CACNA1D: variants seen among roughly 807,000 people sequenced by gnomAD.
CACNA1D encodes the protein voltage-dependent L-type calcium channel subunit alpha-1D.
CACNA1D carries 55 observed loss-of-function variants against 257.1 expected under a neutral mutation model. That is an observed-to-expected ratio of 0.21 (90% CI 0.17 to 0.27). CACNA1D has a LOEUF of 0.27. CACNA1D is among the 10% of genes least tolerant of loss of function. CACNA1D has a pLI of 1.00. For synonymous variants in CACNA1D, 980 were observed against 1,014.9 expected, an observed-to-expected ratio of 0.97 and a Z score of 0.65; for missense variants, 1,876 against 2,784.0, an observed-to-expected ratio of 0.67 and a Z score of 7.34.
chr3:53,707,458 T>G (rs1228393728), intron 9 of CACNA1D, among the ~76,000 whole-genome samples: 2 of 152,190 alleles, frequency 1.3e-5, no homozygotes, highest in Non-Finnish European at 1.5e-5. Flanking sequence ...AGCTGTCTGG[T>G]GACTGGTGAC....
chr3:53,674,286 C>G (rs1205102932), intron 8 of CACNA1D, among the ~76,000 whole-genome samples: 3 of 152,180 alleles, frequency 2.0e-5, no homozygotes, highest in Non-Finnish European at 4.4e-5. Flanking sequence ...AAATAAGCCT[C>G]AAGCACATAA....
intron 3 of CACNA1D, among the ~76,000 whole-genome samples, chr3:53,564,412 C>T (rs1472726852): frequency 3.9e-5 from 6 of 152,118 alleles, no homozygotes; most frequent in Admixed American, 1.3e-4. Flanking sequence ...CTGCCCACCC[C>T]GGCCTCCCAA....
At chr3:53,798,620 T>C (rs1308041107) in intron 40 of CACNA1D, among the ~76,000 whole-genome samples, 3 of 152,242 alleles carry the variant, frequency 2.0e-5, no homozygotes, top group African/African-American at 7.2e-5. Flanking sequence ...CTTCACAGAA[T>C]GGTTCAAACC....
intron 40 of CACNA1D, among the ~76,000 whole-genome samples, chr3:53,797,505 TA>T (rs1040519635): frequency 2.0e-5 from 3 of 152,236 alleles, no homozygotes; most frequent in African/African-American, 7.2e-5. Context: ...GTCTCTTTAA[TA>T]AATATGTTGT....
Position 53,808,736 on chromosome 3 carries a change from G to T in CACNA1D, c.5837G>T (p.Arg1946Leu). 6.2e-7 allele frequency: 1 copy of T among 1,608,206 alleles called. No individual in the cohort carries two copies. Among genetic ancestry groups the T allele is most frequent in the Non-Finnish European group, 8.5e-7 (1 of 1,179,986 alleles). ...EVPSSPIFPH[R>L]TALPLHLMQQ... ...CCGTCGTCTCCCATCTTCCCCCATC[G>T]CACGGCCCTGCCTCTGCATCTAATG... The change falls in exon 46 of 48, where the codon CGC (arginine) becomes CTC (leucine). Residue 1946 changes from arginine to leucine, a missense_variant. By Grantham distance (102) the Arg-to-Leu change is moderately radical. Around this residue, in one of 10 missense-constraint regions of CACNA1D, gnomAD observed 491 missense variants for 554.3 expected, o/e 0.89. Coordinates refer to ENST00000350061, the MANE Select transcript of CACNA1D (RefSeq NM_001128840.3).
chr3:53,701,364 C>T (rs1238198483), intron 8 of CACNA1D, among the ~76,000 whole-genome samples: 1 of 152,150 alleles, frequency 6.6e-6, no homozygotes, highest in Non-Finnish European at 1.5e-5. Context: ...AAACTCCTGA[C>T]CTCATGATCC....
intron 37 of CACNA1D, among the ~76,000 whole-genome samples, chr3:53,779,133 T>TA (rs1183512043): frequency 1.3e-5 from 2 of 151,990 alleles, no homozygotes; most frequent in Non-Finnish European, 2.9e-5. Context: ...ACCTCATCTC[T>TA]AAAAAAACAT....
chr3:53,728,385 C>T (rs773947967), intron 15 of CACNA1D, among the ~76,000 whole-genome samples: 51 of 152,218 alleles, frequency 3.4e-4, no homozygotes, highest in Middle Eastern at 3.4e-3. Context: ...GTGATCCGCC[C>T]GCCTTGGCCT....
intron 3 of CACNA1D, among the ~76,000 whole-genome samples, chr3:53,641,223 G>A (rs1249742951): frequency 6.6e-6 from 1 of 152,106 alleles, no homozygotes; most frequent in East Asian, 1.9e-4. Flanking sequence ...GATTGCAGAG[G>A]TCCTCGGGGA....
Position 53,578,723 on chromosome 3 carries a change from G to C in CACNA1D, c.484-72056G>C, listed in dbSNP as rs575605361. On this transcript the variant is annotated intron_variant, in intron 3 of 47. Transcript: ENST00000350061. ...TTGAGGCACTAGTTCTTCAGGGAAG[G>C]CCTCATGGGTGTGTGTTCTGTGCAG... is the stretch of plus-strand genomic sequence containing the variant. 3.3e-5 allele frequency among the ~76,000 whole-genome samples: 5 copies of C among 152,304 alleles called. No homozygotes were observed. In the East Asian group the frequency reaches 5.8e-4, roughly 18 times the overall value.
In CACNA1D at chr3:53,800,891, C is replaced by A; in HGVS notation, c.5041-167C>A. On this transcript the variant is annotated intron_variant, in intron 41 of 47. Transcript: ENST00000350061. The surrounding 1 kb of genome is among the most constrained non-coding windows in gnomAD (Gnocchi z 4.3). Reference sequence around the variant, plus strand: ...TTCCTCATCTCGGGGGGACCAACTGCCACACAGTCACATTCACCCTGATCA... The same window carrying A: ...TTCCTCATCTCGGGGGGACCAACTGACACACAGTCACATTCACCCTGATCA... The A allele has an allele frequency of 1.4e-6, 1 of 698,890 alleles. No individual in the cohort carries two copies. The highest frequency in any genetic ancestry group is 2.5e-6 in the Non-Finnish European group (1 of 398,274). The allele number at this position is 698,890 out of a possible 1,614,324, so 43.3% of individuals were successfully genotyped here.
At position 53,727,123 on chromosome 3, in the gene CACNA1D, C is replaced by T. The variant is rs965001745; in HGVS notation, c.2221+124C>T. Reference sequence around the variant, plus strand: ...GTGGCAGGGAGGTAAATGCCTTTACCTTATTAGCTCAATATCTGCTTTTCT... The same window carrying T: ...GTGGCAGGGAGGTAAATGCCTTTACTTTATTAGCTCAATATCTGCTTTTCT... On this transcript the variant is annotated intron_variant, in intron 15 of 47. Transcript: ENST00000350061. 7.4e-6 allele frequency: 8 copies of T among 1,079,340 alleles called. No homozygotes were observed. In the East Asian group the frequency reaches 9.4e-5, roughly 13 times the overall value. The allele number at this position is 1,079,340 out of a possible 1,614,324, so 66.9% of individuals were successfully genotyped here. A position where few individuals can be genotyped will look rare whatever the true frequency, so the allele number is the denominator to read the frequency against.
At chr3:53,526,038 T>C (rs1482747063) in intron 3 of CACNA1D, among the ~76,000 whole-genome samples, 2 of 152,248 alleles carry the variant, frequency 1.3e-5, no homozygotes, top group African/African-American at 4.8e-5. Context: ...CAACAGTTTC[T>C]AGGCCTACGC....
At chr3:53,714,426 T>C (rs1410400332) in intron 9 of CACNA1D, among the ~76,000 whole-genome samples, 1 of 152,208 alleles carries the variant, frequency 6.6e-6, no homozygotes, top group Non-Finnish European at 1.5e-5. Context: ...GCCCATGGCT[T>C]TACCTTCATG....
chr3:53,546,210 A>T (rs1359360947), intron 3 of CACNA1D, among the ~76,000 whole-genome samples: 1 of 152,098 alleles, frequency 6.6e-6, no homozygotes, highest in Non-Finnish European at 1.5e-5. Context: ...TTTAGATGTT[A>T]CCACTGCTCA....
chr3:53,667,905 G>A (rs2094284823), intron 7 of CACNA1D, among the ~76,000 whole-genome samples: 1 of 151,610 alleles, frequency 6.6e-6, no homozygotes. Context: ...TCATAAAGAG[G>A]AAGGAGGAAG....
At chr3:53,566,363 T>G (rs761544243) in intron 3 of CACNA1D, among the ~76,000 whole-genome samples, 2 of 152,172 alleles carry the variant, frequency 1.3e-5, no homozygotes, top group Non-Finnish European at 2.9e-5. Flanking sequence ...TCTGCCTGTA[T>G]GTGCTTCCCT....
chr3:53,588,882 A>G (rs1164768778), intron 3 of CACNA1D, among the ~76,000 whole-genome samples: 1 of 152,232 alleles, frequency 6.6e-6, no homozygotes, highest in Non-Finnish European at 1.5e-5. Context: ...TGTCTTCTCA[A>G]GTACAAGAAT....
intron 8 of CACNA1D, among the ~76,000 whole-genome samples, chr3:53,675,083 G>A (rs1451386913): frequency 2.6e-5 from 4 of 152,200 alleles, no homozygotes; most frequent in Non-Finnish European, 4.4e-5. Context: ...GCCCTGGATT[G>A]AATGTAGTCA....
Sources: gnomAD v4.1 joint callset for allele counts (sites outside exome capture counted in the v4.1 genomes callset) on GRCh38, gnomAD v4.1.1 for gene constraint, gnomAD v4.1.1 regional missense constraint, Gnocchi (gnomAD v3.1) non-coding constraint, MANE v1.5 for transcripts, NCBI Gene and HGNC (gene_info 2026-07-23, HGNC 2026-07-21) for gene names.